B4GALT4: variants seen among roughly 807,000 people sequenced by gnomAD.
B4GALT4 encodes the protein beta-1,4-galactosyltransferase 4.
Under a neutral mutation model 37.3 loss-of-function variants are expected in B4GALT4, and 27 were observed. The ratio of observed to expected loss-of-function variants is 0.72; its 90% CI spans 0.53 to 1.00. The LOEUF (loss-of-function observed/expected upper bound fraction) is 1.00. B4GALT4 is among the 50% of genes least tolerant of loss of function. The pLI, the probability that B4GALT4 is intolerant of heterozygous loss-of-function variation, is 0.00. For synonymous variants in B4GALT4, 148 were observed against 154.1 expected, an observed-to-expected ratio of 0.96 and a Z score of 0.29; for missense variants, 372 against 413.1, an observed-to-expected ratio of 0.90 and a Z score of 0.86.
At chr3:119,214,989 A>C (rs976795893) in intron 7 of B4GALT4, 6 of 152,154 alleles carry the variant, frequency 3.9e-5, no homozygotes, top group Admixed American at 3.3e-4. Flanking sequence ...GAAGTACACA[A>C]CACCATAAAT....
rs147815798 is a variant in B4GALT4, at chr3:119,225,482, C to T, written c.487-1237G>A. On this transcript the variant is annotated intron_variant, in intron 4 of 7. Coordinates refer to ENST00000393765, the MANE Select transcript of B4GALT4 (RefSeq NM_003778.4). ...TGTGATCTTACCTCACTGCAGCCTC[C>T]ACCTCCTGGGTTCAAGTGATTCTCC... Among the ~76,000 whole-genome samples the T allele has an allele frequency of 7.1e-3, 1,084 of 152,094 alleles. 11 individuals are homozygous for T. Among genetic ancestry groups the T allele is most frequent in the African/African-American group, 0.025 (1,053 of 41,478 alleles).
chr3:119,222,786 C>T (rs1046120038), intron 5 of B4GALT4, among the ~76,000 whole-genome samples: 5 of 152,200 alleles, frequency 3.3e-5, no homozygotes, highest in African/African-American at 4.8e-5. Context: ...ACCACCTTAC[C>T]TGGGGAACAG....
At chr3:119,223,576 G>A (rs1172660644) in intron 5 of B4GALT4, among the ~76,000 whole-genome samples, 1 of 152,070 alleles carries the variant, frequency 6.6e-6, no homozygotes, top group East Asian at 1.9e-4. Context: ...TGGGTGTCCT[G>A]GCTCCCGAGA....
At chr3:119,219,385 C>T (rs1469975347) in intron 5 of B4GALT4, among the ~76,000 whole-genome samples, 1 of 152,214 alleles carries the variant, frequency 6.6e-6, no homozygotes, top group Non-Finnish European at 1.5e-5. Flanking sequence ...CTAGGTAGTG[C>T]TTTTCATGAA....
intron 5 of B4GALT4, among the ~76,000 whole-genome samples, chr3:119,220,444 A>C (rs1008148136): frequency 3.3e-5 from 5 of 152,278 alleles, no homozygotes; most frequent in Admixed American, 3.3e-4. Context: ...AAACACGGGA[A>C]TGCGGGAGCC....
chr3:119,239,865 C>T (rs905668032), intron 1 of B4GALT4, among the ~76,000 whole-genome samples: 3 of 152,156 alleles, frequency 2.0e-5, no homozygotes, highest in Non-Finnish European at 2.9e-5. Flanking sequence ...CCAGCACTCC[C>T]CGCCTGGGTC....
intron 2 of B4GALT4, among the ~76,000 whole-genome samples, chr3:119,231,809 T>C (rs1008838381): frequency 9.5e-6 from 1 of 105,174 alleles, no homozygotes; most frequent in Non-Finnish European, 1.9e-5. Flanking sequence ...TATAAAATAA[T>C]ATATTTTATA....
rs1176613140 is a variant in B4GALT4, at chr3:119,212,153, GAAC to G, written c.*393_*395del. 4.3e-6 allele frequency: 3 copies of G among 703,004 alleles called. No homozygotes were observed. The highest frequency in any genetic ancestry group is 5.4e-5 in the East Asian group (2 of 37,286). The allele number at this position is 703,004 out of a possible 1,614,324, so 43.5% of individuals were successfully genotyped here. A position where few individuals can be genotyped will look rare whatever the true frequency, so the allele number is the denominator to read the frequency against. On this transcript the variant is annotated 3_prime_UTR_variant, in exon 8 of 8. Coordinates refer to ENST00000393765, the MANE Select transcript of B4GALT4 (RefSeq NM_003778.4). Reference sequence around the variant, plus strand: ...CTTCGTACCTTTCTACCTTGGACGAGAACAACTCTGGTTCTCTCAGACATTCAG... The same window carrying G: ...CTTCGTACCTTTCTACCTTGGACGAGAACTCTGGTTCTCTCAGACATTCAG...
chr3:119,239,170 A>G (rs577987813), intron 1 of B4GALT4, among the ~76,000 whole-genome samples: 1 of 152,246 alleles, frequency 6.6e-6, no homozygotes, highest in Non-Finnish European at 1.5e-5. Flanking sequence ...TACTAAAAAT[A>G]CAAAAATTAG....
intron 5 of B4GALT4, among the ~76,000 whole-genome samples, chr3:119,219,488 GC>G (rs1023442634): frequency 6.6e-6 from 1 of 152,258 alleles, no homozygotes; most frequent in African/African-American, 2.4e-5. Flanking sequence ...CTGGGGCTTT[GC>G]CAGTAGGCAA....
intron 2 of B4GALT4, among the ~76,000 whole-genome samples, chr3:119,235,927 CTCTTT>C (rs2078973031): frequency 6.6e-6 from 1 of 152,134 alleles, no homozygotes; most frequent in Non-Finnish European, 1.5e-5. Context: ...GAAGGGGCGG[CTCTTT>C]TCTTAAATTC....
At chr3:119,240,592 G>T (rs940541613) in intron 1 of B4GALT4, 4 of 152,284 alleles carry the variant, frequency 2.6e-5, no homozygotes, top group African/African-American at 9.6e-5. Flanking sequence ...GGCTCCCCCG[G>T]CCCGCAGCAG....
At chr3:119,233,643 A>C (rs1339345881) in intron 2 of B4GALT4, among the ~76,000 whole-genome samples, 1 of 152,204 alleles carries the variant, frequency 6.6e-6, no homozygotes, top group East Asian at 1.9e-4. Flanking sequence ...CTATCCAAGA[A>C]TAGCTGCAAA....
At chr3:119,224,602 A>T (rs553128074) in intron 4 of B4GALT4, among the ~76,000 whole-genome samples, 1 of 152,372 alleles carries the variant, frequency 6.6e-6, no homozygotes, top group Non-Finnish European at 1.5e-5. Flanking sequence ...GCATAGATAC[A>T]TTGCATGTAA....
chr3:119,229,825 A>C (rs775178147), intron 3 of B4GALT4, 22 bp downstream of exon 3: 11 of 1,609,690 alleles, frequency 6.8e-6, no homozygotes, highest in Non-Finnish European at 9.3e-6. Flanking sequence ...CTACTTAATC[A>C]AAGGAAAAAA....
intron 5 of B4GALT4, among the ~76,000 whole-genome samples, chr3:119,221,387 G>C (rs1186999595): frequency 1.3e-5 from 2 of 152,230 alleles, no homozygotes. Flanking sequence ...TCTTGCGCTT[G>C]TACTTGTGGG....
intron 4 of B4GALT4, among the ~76,000 whole-genome samples, chr3:119,225,087 A>C (rs960342888): frequency 1.3e-5 from 2 of 152,212 alleles, no homozygotes; most frequent in Non-Finnish European, 2.9e-5. Context: ...TTTCTAAGCT[A>C]CTTTAAAGTT....
chr3:119,240,305 G>A (rs2079114614), intron 1 of B4GALT4: 1 of 152,108 alleles, frequency 6.6e-6, no homozygotes, highest in Admixed American at 6.5e-5. Flanking sequence ...AAGGGATACA[G>A]ATCAACAAAC....
intron 7 of B4GALT4, 131 bp from the exon 8 acceptor site, chr3:119,212,812 A>C (rs1442163994): frequency 1.1e-5 from 10 of 933,548 alleles, no homozygotes; most frequent in Non-Finnish European, 1.5e-5. Flanking sequence ...TACCATTACA[A>C]AGTTTGTTTG....
Sources: gnomAD v4.1 joint callset for allele counts (sites outside exome capture counted in the v4.1 genomes callset) on GRCh38, gnomAD v4.1.1 for gene constraint, MANE v1.5 for transcripts, NCBI Gene and HGNC (gene_info 2026-07-23, HGNC 2026-07-21) for gene names.